The following KCNC1 variants were observed in gnomAD, a reference collection of about 807,000 sequenced individuals.
KCNC1 encodes potassium voltage-gated channel subfamily C member 1, also known as voltage-gated potassium channel KCNC1.
Under a neutral mutation model 43.4 loss-of-function variants are expected in KCNC1, and 8 were observed. The observed-to-expected ratio is 0.18, with a 90% CI of 0.11 to 0.33. KCNC1 has a LOEUF of 0.33. KCNC1 is among the 10% of genes least tolerant of loss of function. The pLI is 1.00. For synonymous variants in KCNC1, 361 were observed against 360.5 expected (o/e 1.00, Z -0.01); for missense variants, 420 against 836.0 (o/e 0.50, Z 6.14).
At chr11:17,754,319 G>C (rs1233892393) in intron 1 of KCNC1, among the ~76,000 whole-genome samples, 1 of 152,230 alleles carries the variant, frequency 6.6e-6, no homozygotes, top group African/African-American at 2.4e-5. Context: ...TTGAGTCACA[G>C]ATTGGTGTAT....
chr11:17,763,695 C>T (rs1245198284), intron 1 of KCNC1, among the ~76,000 whole-genome samples: 1 of 125,532 alleles, frequency 8.0e-6, no homozygotes, highest in Non-Finnish European at 1.6e-5. Context: ...CACAAATACA[C>T]ACCCTCACCC....
At chr11:17,766,989 C>T (rs1849157861) in intron 1 of KCNC1, among the ~76,000 whole-genome samples, 1 of 132,134 alleles carries the variant, frequency 7.6e-6, no homozygotes. Context: ...AAAAAATTAG[C>T]CGGGCGTGGT....
chr11:17,756,698 C>G (rs1432532865), intron 1 of KCNC1, among the ~76,000 whole-genome samples: 2 of 152,096 alleles, frequency 1.3e-5, no homozygotes, highest in African/African-American at 2.4e-5. Flanking sequence ...TCTCATCTAC[C>G]AAATGGAAGC....
At chr11:17,772,719 G>T in intron 2 of KCNC1, 121 bp downstream of exon 2, 1 of 1,511,520 alleles carries the variant, frequency 6.6e-7, no homozygotes, top group Non-Finnish European at 8.8e-7. Flanking sequence ...CCCGCACTCA[G>T]TCTGGAGGTG....
intron 1 of KCNC1, among the ~76,000 whole-genome samples, chr11:17,756,672 G>A (rs904330650): frequency 2.0e-5 from 3 of 152,118 alleles, no homozygotes; most frequent in African/African-American, 7.2e-5. Context: ...CTCCATGGAG[G>A]TTGGAGCCTC....
Position 17,763,960 on chromosome 11 carries a change from G to A in KCNC1, c.571-7705G>A, listed in dbSNP as rs1303493323. ...CCACACACACACACACCCACACACA[G>A]CAGCCCACACATGCACATATACACA... On this transcript the variant is annotated intron_variant, in intron 1 of 3. Transcript: ENST00000265969. Among the ~76,000 whole-genome samples, 9 of 53,644 alleles carry A rather than the reference G, an allele frequency of 1.7e-4. 1 individual carries two copies. Among genetic ancestry groups the A allele is most frequent in the South Asian group, 1.4e-3 (2 of 1,480 alleles). The allele number at this position is 53,644 out of a possible 152,430, so 35.2% of individuals were successfully genotyped here. A position where few individuals can be genotyped will look rare whatever the true frequency, so the allele number is the denominator to read the frequency against.
At chr11:17,757,834 C>T (rs1412545481) in intron 1 of KCNC1, among the ~76,000 whole-genome samples, 1 of 152,172 alleles carries the variant, frequency 6.6e-6, no homozygotes, top group African/African-American at 2.4e-5. Flanking sequence ...TCATATGAGC[C>T]TTCAGTGAGT....
Position 17,783,029 on chromosome 11 carries a change from A to G in KCNC1, c.*1295A>G, listed in dbSNP as rs1849364353. ...CTCCCCTCCCTGGGCCCTGGCCCCC[A>G]ATAATAAAAAACTGACTTTTGAGAT... On this transcript the variant is annotated 3_prime_UTR_variant, in exon 4 of 4. Transcript: ENST00000265969. 1 of 152,192 alleles carries G rather than the reference A, an allele frequency of 6.6e-6. No homozygotes were observed. Among genetic ancestry groups the G allele is most frequent in the Admixed American group, 6.5e-5 (1 of 15,282 alleles). 9.4% of individuals were successfully genotyped at this position (152,192 alleles called of 1,614,324 possible). A position where few individuals can be genotyped will look rare whatever the true frequency, so the allele number is the denominator to read the frequency against.
chr11:17,764,531 C>A (rs1006752107), intron 1 of KCNC1, among the ~76,000 whole-genome samples: 24 of 152,142 alleles, frequency 1.6e-4, no homozygotes, highest in African/African-American at 5.6e-4. Flanking sequence ...CGCTAACACT[C>A]CCCCCAGTGC....
chr11:17,776,638 G>T lies in KCNC1; in HGVS notation c.1505-2818G>T, dbSNP rs547585716. 129 of 985,434 alleles carry T rather than the reference G, an allele frequency of 1.3e-4. 2 individuals are homozygous for T. In the South Asian group the frequency reaches 5.0e-3, roughly 38 times the overall value. 61.0% of individuals were successfully genotyped at this position (985,434 alleles called of 1,614,324 possible). The stretch of plus-strand genomic sequence containing the variant: ...TCATCACTGCAGGCCTGTGGGTCTA[G>T]TGGGGGCCTGGGGGCCCTGGGCTGG... On this transcript the variant is annotated intron_variant, in intron 2 of 3. Transcript: ENST00000265969. This position sits in a 1 kb window ranked among gnomAD's most constrained non-coding sequence, Gnocchi z 4.4.
At chr11:17,738,748 T>G (rs1848799245) in intron 1 of KCNC1, among the ~76,000 whole-genome samples, 1 of 152,194 alleles carries the variant, frequency 6.6e-6, no homozygotes, top group Non-Finnish European at 1.5e-5. Flanking sequence ...AAAAAATCTC[T>G]GAAGTGAATG....
intron 1 of KCNC1, among the ~76,000 whole-genome samples, chr11:17,746,469 C>T (rs1040419543): frequency 4.6e-5 from 7 of 152,174 alleles, no homozygotes; most frequent in Middle Eastern, 3.2e-3. Flanking sequence ...TCCTGGACTC[C>T]GTTCCTCCCA....
rs752027943 is a variant in KCNC1 at position 17,739,512 on chromosome 11, T to A, written c.570+2940T>A. On this transcript the variant is annotated intron_variant, in intron 1 of 3. Coordinates refer to ENST00000265969, the MANE Select transcript of KCNC1 (RefSeq NM_001112741.2). This position sits in a 1 kb window ranked among gnomAD's most constrained non-coding sequence, Gnocchi z 4.2. ...CTGTGCGTGTGTGAGAATGAGACTG[T>A]GTGGGAGAGAGTGTGTATAAGGAAG... Among the ~76,000 whole-genome samples the A allele has an allele frequency of 3.3e-5, 5 of 151,840 alleles. No individual in the cohort carries two copies. The highest frequency in any genetic ancestry group is 5.9e-5 in the Non-Finnish European group (4 of 67,968).
intron 1 of KCNC1, among the ~76,000 whole-genome samples, chr11:17,754,309 T>C (rs1162033222): frequency 1.3e-5 from 2 of 152,234 alleles, no homozygotes; most frequent in Non-Finnish European, 2.9e-5. Flanking sequence ...CTATGGCTGG[T>C]TGAGTCACAG....
intron 1 of KCNC1, among the ~76,000 whole-genome samples, chr11:17,748,983 G>A (rs533907457): frequency 1.8e-4 from 28 of 152,266 alleles, no homozygotes; most frequent in African/African-American, 5.8e-4. Context: ...GGGCCTTGCC[G>A]GGGAGAGATC....
intron 1 of KCNC1, among the ~76,000 whole-genome samples, chr11:17,745,110 T>A (rs1043223527): frequency 6.6e-6 from 1 of 152,142 alleles, no homozygotes; most frequent in Non-Finnish European, 1.5e-5. Context: ...ACTCCCCAGA[T>A]GATTCATGCA....
At chr11:17,763,519 A>G (rs1849101364) in intron 1 of KCNC1, among the ~76,000 whole-genome samples, 2 of 147,142 alleles carry the variant, frequency 1.4e-5, no homozygotes, top group South Asian at 4.4e-4. Context: ...CACGCACGCA[A>G]TGCACACACC....
Position 17,777,968 on chromosome 11 carries a change from A to C in KCNC1, c.1505-1488A>C, listed in dbSNP as rs1212353633. On this transcript the variant is annotated intron_variant, in intron 2 of 3. Transcript: ENST00000265969. The surrounding 1 kb of genome is among the most constrained non-coding windows in gnomAD (Gnocchi z 4.3). Reference sequence around the variant, plus strand: ...TGAACAGGATCACGGGAGAGTGTTCAATCGGGTGGACATTGTCTCCAGCCT... The same window carrying C: ...TGAACAGGATCACGGGAGAGTGTTCCATCGGGTGGACATTGTCTCCAGCCT... The C allele has an allele frequency of 1.6e-5, 8 of 496,086 alleles. No homozygotes were observed. Among genetic ancestry groups the C allele is most frequent in the Non-Finnish European group, 2.1e-5 (8 of 383,166 alleles). The allele number at this position is 496,086 out of a possible 1,614,324, so 30.7% of individuals were successfully genotyped here. A position where few individuals can be genotyped will look rare whatever the true frequency, so the allele number is the denominator to read the frequency against.
Position 17,781,995 on chromosome 11 carries a change from C to T in KCNC1, c.*261C>T, listed in dbSNP as rs1849351018. The T allele has an allele frequency of 4.7e-6, 2 of 427,072 alleles. No individual in the cohort carries two copies. The highest frequency in any genetic ancestry group is 4.1e-6 in the Non-Finnish European group (1 of 242,476). 26.5% of individuals were successfully genotyped at this position (427,072 alleles called of 1,614,324 possible). ...GGGGTGGAGGGGCTCCTTAGCATGA[C>T]TTGCATGAAGTTAAACAGAAAACCC... On this transcript the variant is annotated 3_prime_UTR_variant, in exon 4 of 4. Coordinates refer to ENST00000265969, the MANE Select transcript of KCNC1 (RefSeq NM_001112741.2). The surrounding 1 kb of genome is among the most constrained non-coding windows in gnomAD (Gnocchi z 5.1).
Sources: allele counts gnomAD v4.1 joint callset (sites outside exome capture counted in the v4.1 genomes callset), GRCh38; gene constraint gnomAD v4.1.1; non-coding constraint Gnocchi (gnomAD v3.1); transcripts MANE v1.5; gene names NCBI Gene and HGNC (gene_info 2026-07-23, HGNC 2026-07-21).